The following SCMH1 variants were observed in gnomAD, a reference collection of about 807,000 sequenced individuals.
The protein encoded by SCMH1 is Scm polycomb group protein homolog 1, also known as polycomb protein SCMH1.
A neutral mutation model predicts 70.8 loss-of-function variants in SCMH1; 37 were observed. That is an observed-to-expected ratio of 0.52 (90% confidence interval 0.40 to 0.69). SCMH1 has a LOEUF of 0.69. Among genes scored for constraint, SCMH1 ranks in the 30% least tolerant of loss-of-function variants. The probability of loss-of-function intolerance (pLI) is 0.00; values close to 1 mark genes in which losing one functional copy is unlikely to be tolerated. For missense variants in SCMH1, 607 were observed against 827.3 expected (o/e 0.73, Z 3.27); for synonymous variants, 292 against 307.4 (o/e 0.95, Z 0.52).
chr1:41,051,646 A>G (rs1271084066), intron 10 of SCMH1, among the ~76,000 whole-genome samples: 1 of 152,138 alleles, frequency 6.6e-6, no homozygotes, highest in Non-Finnish European at 1.5e-5. Flanking sequence ...AAGTAAAAAA[A>G]TAAAATAAAT....
chr1:41,089,581 C>T (rs867508896), intron 8 of SCMH1, among the ~76,000 whole-genome samples: 5 of 152,110 alleles, frequency 3.3e-5, no homozygotes, highest in Admixed American at 1.3e-4. Flanking sequence ...AATTTGAACA[C>T]AGCTACCAGA....
At chr1:41,182,214 G>A (rs921180010) in intron 2 of SCMH1, among the ~76,000 whole-genome samples, 1 of 152,170 alleles carries the variant, frequency 6.6e-6, no homozygotes, top group Non-Finnish European at 1.5e-5. Context: ...TGCGGGGAGA[G>A]GGGAGGGATA....
chr1:41,194,091 T>A (rs1652414586), intron 1 of SCMH1, among the ~76,000 whole-genome samples: 1 of 152,218 alleles, frequency 6.6e-6, no homozygotes, highest in African/African-American at 2.4e-5. Flanking sequence ...ATAAGTCTCT[T>A]AGCCCATTAT....
chr1:41,195,476 T>C (rs1463978409), intron 1 of SCMH1, among the ~76,000 whole-genome samples: 3 of 150,838 alleles, frequency 2.0e-5, no homozygotes, highest in Non-Finnish European at 4.4e-5. Context: ...AGGCACATGG[T>C]AATGTCAATG....
At chr1:41,191,360 T>C (rs1651679951) in intron 1 of SCMH1, among the ~76,000 whole-genome samples, 1 of 152,256 alleles carries the variant, frequency 6.6e-6, no homozygotes, top group Non-Finnish European at 1.5e-5. Context: ...AAATTTTTTA[T>C]TAAAATTAAG....
At position 41,104,221 on chromosome 1, in the gene SCMH1, G is replaced by A. The variant is rs761407676; in HGVS notation, c.745+9062C>T. Among the ~76,000 whole-genome samples the A allele has an allele frequency of 5.9e-5, 9 of 152,282 alleles. No individual in the cohort carries two copies. The South Asian group carries it at 6.2e-4, about 11-fold the overall frequency. On this transcript the variant is annotated intron_variant, in intron 8 of 14. Transcript: ENST00000337495. ...GGCAGACACTTGTCTATAACCTCCA[G>A]TGAACCTAGCACTGCTAACATGAGC...
intron 5 of SCMH1, among the ~76,000 whole-genome samples, chr1:41,144,937 T>C (rs1644418785): frequency 6.6e-6 from 1 of 152,188 alleles, no homozygotes; most frequent in African/African-American, 2.4e-5. Context: ...TAAAATCATG[T>C]TGTCTTTTAA....
At chr1:41,123,283 TGGTGGCA>T in intron 6 of SCMH1, among the ~76,000 whole-genome samples, 1 of 152,306 alleles carries the variant, frequency 6.6e-6, no homozygotes, top group East Asian at 1.9e-4. Flanking sequence ...CCATGCCCTC[TGGTGGCA>T]GGTAACAGAA....
chr1:41,187,403 A>G (rs1330914320), intron 1 of SCMH1, among the ~76,000 whole-genome samples: 1 of 150,510 alleles, frequency 6.6e-6, no homozygotes, highest in Non-Finnish European at 1.5e-5. Context: ...CGGAGGTTGC[A>G]GTGAGCTGAG....
At chr1:41,183,154 C>T (rs938112631) in intron 2 of SCMH1, among the ~76,000 whole-genome samples, 2 of 152,178 alleles carry the variant, frequency 1.3e-5, no homozygotes, top group East Asian at 3.9e-4. Flanking sequence ...TATCCAATTC[C>T]GTCAGTTGTA....
At chr1:41,101,808 G>A (rs1474275920) in intron 8 of SCMH1, among the ~76,000 whole-genome samples, 2 of 152,086 alleles carry the variant, frequency 1.3e-5, no homozygotes, top group African/African-American at 2.4e-5. Context: ...TAAAAATGGA[G>A]ACACTGGACT....
chr1:41,104,719 G>A (rs904653292), intron 8 of SCMH1, among the ~76,000 whole-genome samples: 5 of 152,150 alleles, frequency 3.3e-5, no homozygotes, highest in Non-Finnish European at 7.3e-5. Flanking sequence ...CTTCTCAGGA[G>A]ACAAGAGGGG....
At chr1:41,047,183 G>C (rs563248145) in intron 11 of SCMH1, among the ~76,000 whole-genome samples, 202 of 152,274 alleles carry the variant, frequency 1.3e-3, no homozygotes, top group Middle Eastern at 3.4e-3. Flanking sequence ...GGGCAGCAAG[G>C]ACATGGGGAT....
chr1:41,115,187 G>A (rs932818551), intron 7 of SCMH1, among the ~76,000 whole-genome samples: 6 of 152,080 alleles, frequency 3.9e-5, no homozygotes, highest in Admixed American at 3.3e-4. Flanking sequence ...CAACTTATTC[G>A]ATACTGATTA....
intron 8 of SCMH1, among the ~76,000 whole-genome samples, chr1:41,081,530 A>G (rs1660018842): frequency 6.6e-6 from 1 of 152,216 alleles, no homozygotes; most frequent in African/African-American, 2.4e-5. Flanking sequence ...TGACACATAT[A>G]TTATTTGTTG....
chr1:41,114,681 CTCTT>C (rs1670023028), intron 7 of SCMH1, among the ~76,000 whole-genome samples: 1 of 151,612 alleles, frequency 6.6e-6, no homozygotes, highest in East Asian at 1.9e-4. Context: ...CTCTCTCTCT[CTCTT>C]TCTTTTTTGG....
intron 6 of SCMH1, among the ~76,000 whole-genome samples, chr1:41,121,865 C>A (rs1672030333): frequency 6.6e-6 from 1 of 152,184 alleles, no homozygotes; most frequent in South Asian, 2.1e-4. Flanking sequence ...GGTGCTCAGA[C>A]CTAAAAGACT....
intron 1 of SCMH1, among the ~76,000 whole-genome samples, chr1:41,221,227 G>A (rs1659181967): frequency 6.6e-6 from 1 of 152,180 alleles, no homozygotes; most frequent in African/African-American, 2.4e-5. Context: ...CAAAGTAAGA[G>A]TAGTGGTTGC....
intron 1 of SCMH1, among the ~76,000 whole-genome samples, chr1:41,209,485 G>A (rs530635857): frequency 6.6e-6 from 1 of 152,234 alleles, no homozygotes; most frequent in Admixed American, 6.5e-5. Context: ...CTGGCAAACC[G>A]AACTCAGCAG....
Sources: gnomAD v4.1 joint callset for allele counts (sites outside exome capture counted in the v4.1 genomes callset) on GRCh38, gnomAD v4.1.1 for gene constraint, MANE v1.5 for transcripts, NCBI Gene and HGNC (gene_info 2026-07-23, HGNC 2026-07-21) for gene names.